Variants in PITPNC1 observed in about 807,000 individuals in gnomAD.
PITPNC1 encodes cytoplasmic phosphatidylinositol transfer protein 1.
PITPNC1 carries 18 observed loss-of-function variants against 44.7 expected under a neutral mutation model. The observed-to-expected ratio is 0.40, with a 90% CI of 0.28 to 0.60. PITPNC1 has a LOEUF of 0.60. Among genes scored for constraint, PITPNC1 ranks in the 20% least tolerant of loss-of-function variants. PITPNC1 has a pLI of 0.39. For missense variants in PITPNC1, 290 were observed against 418.4 expected (o/e 0.69, Z 2.68); for synonymous variants, 141 against 149.6 (o/e 0.94, Z 0.42).
At chr17:67,586,446 T>A (rs112450554) in intron 5 of PITPNC1, among the ~76,000 whole-genome samples, 1,337 of 119,808 alleles carry the variant, frequency 0.011, 24 homozygotes, top group African/African-American at 0.043. Flanking sequence ...AAAAAAAAAA[T>A]TAGCTGGGCG....
At chr17:67,608,257 CA>C (rs763822573) in intron 5 of PITPNC1, among the ~76,000 whole-genome samples, 6,199 of 124,392 alleles carry the variant, frequency 0.05, 180 homozygotes, top group Middle Eastern at 0.087. Context: ...CAAAAAAAAA[CA>C]AAAAAAAAAA....
intron 1 of PITPNC1, among the ~76,000 whole-genome samples, chr17:67,476,910 C>T (rs1365542216): frequency 1.3e-5 from 2 of 152,144 alleles, no homozygotes; most frequent in Non-Finnish European, 1.5e-5. Flanking sequence ...GCATCACCTG[C>T]GAGCTTGTTA....
intron 1 of PITPNC1, among the ~76,000 whole-genome samples, chr17:67,404,406 G>A (rs535920223): frequency 1.6e-4 from 24 of 152,302 alleles, no homozygotes; most frequent in African/African-American, 5.3e-4. Context: ...TATCTAGACT[G>A]TGTCTTGCAA....
intron 1 of PITPNC1, among the ~76,000 whole-genome samples, chr17:67,483,974 C>T (rs1961378): frequency 1.3e-5 from 2 of 148,196 alleles, no homozygotes; most frequent in Middle Eastern, 3.5e-3. Flanking sequence ...GCTGGAGTGC[C>T]GTGGCATGAT....
chr17:67,557,161 A>T (rs1161391548), intron 4 of PITPNC1, among the ~76,000 whole-genome samples: 2 of 152,142 alleles, frequency 1.3e-5, no homozygotes, highest in Non-Finnish European at 2.9e-5. Flanking sequence ...CTTCCTGGTA[A>T]GCACGTGGCC....
chr17:67,467,354 G>A (rs1343234510), intron 1 of PITPNC1, among the ~76,000 whole-genome samples: 1 of 152,098 alleles, frequency 6.6e-6, no homozygotes, highest in Non-Finnish European at 1.5e-5. Context: ...GTGCCCCGCT[G>A]GAGACTTTTT....
chr17:67,532,878 T>C lies in PITPNC1; in HGVS notation c.125T>C (p.Val42Ala). The change falls in exon 2 of 9, where the codon GTC (valine) becomes GCC (alanine). Residue 42 changes from valine to alanine, a missense_variant. Val to Ala is a moderately conservative substitution (Grantham distance 64, BLOSUM62 0). Coordinates refer to ENST00000581322, the MANE Select transcript of PITPNC1 (RefSeq NM_012417.4). Reference sequence around the variant, plus strand: ...GACCGGGGAGAAGGGGTGGAGGTCGTCCAGAATGAGCCCTTTGAGGACCCT... The same window carrying C: ...GACCGGGGAGAAGGGGTGGAGGTCGCCCAGAATGAGCCCTTTGAGGACCCT... Reference protein sequence around the residue: ...QSDRGEGVEVVQNEPFEDPHH... With the variant: ...QSDRGEGVEVAQNEPFEDPHH... The C allele has an allele frequency of 6.2e-7, 1 of 1,606,898 alleles. No homozygotes were observed.
chr17:67,574,051 T>G (rs1377249317), intron 4 of PITPNC1, among the ~76,000 whole-genome samples: 1 of 152,104 alleles, frequency 6.6e-6, no homozygotes, highest in Non-Finnish European at 1.5e-5. Context: ...TGAAACAAGG[T>G]TCCAGAGAAG....
chr17:67,483,564 G>A lies in PITPNC1; in HGVS notation c.49-49238G>A, dbSNP rs147274597. 3.7e-3 allele frequency among the ~76,000 whole-genome samples: 556 copies of A among 152,288 alleles called. 7 individuals are homozygous for A. Among genetic ancestry groups the A allele is most frequent in the South Asian group, 0.028 (135 of 4,832 alleles). ...CATTAAGATGCGTTGCCACTCTGGG[G>A]TATGATTCTGGTTTGATCGTTGCAG... On this transcript the variant is annotated intron_variant, in intron 1 of 8. Coordinates refer to ENST00000581322, the MANE Select transcript of PITPNC1 (RefSeq NM_012417.4).
rs1012088135 is a variant in PITPNC1, at chr17:67,659,723, T to G, written c.463-9785T>G. On this transcript the variant is annotated intron_variant, in intron 6 of 8. Coordinates refer to ENST00000581322, the MANE Select transcript of PITPNC1 (RefSeq NM_012417.4). ...AATTTATTGGTCTTCTCTTTTCTTT[T>G]TATTTTTTTCCAAATTCAACATTAT... is the stretch of plus-strand genomic sequence containing the variant. Among the ~76,000 whole-genome samples, 3 of 152,258 alleles carry G rather than the reference T, an allele frequency of 2.0e-5. No homozygotes were observed. In the East Asian group the frequency reaches 5.8e-4, roughly 30 times the overall value.
At chr17:67,619,357 C>T (rs8075076) in intron 5 of PITPNC1, among the ~76,000 whole-genome samples, 1 of 152,090 alleles carries the variant, frequency 6.6e-6, no homozygotes, top group Non-Finnish European at 1.5e-5. Flanking sequence ...TTCAGTGACT[C>T]GGAAAAGAAT....
intron 1 of PITPNC1, among the ~76,000 whole-genome samples, chr17:67,514,057 T>G (rs941496625): frequency 1.3e-5 from 2 of 151,068 alleles, no homozygotes; most frequent in Admixed American, 6.6e-5. Context: ...TAGGTCGAGA[T>G]AGAAGAGGGT....
In PITPNC1 at chr17:67,693,032, C is replaced by A; in HGVS notation, c.*144C>A. 1 of 611,358 alleles carries A rather than the reference C, an allele frequency of 1.6e-6. No individual in the cohort carries two copies. The highest frequency in any genetic ancestry group is 2.9e-6 in the Non-Finnish European group (1 of 345,906). The allele number at this position is 611,358 out of a possible 1,614,324, so 37.9% of individuals were successfully genotyped here. A position where few individuals can be genotyped will look rare whatever the true frequency, so the allele number is the denominator to read the frequency against. Reference sequence around the variant, plus strand: ...CAGTGTGCATGTGACTCAGTAACTTCACATAGAATATGATTCCCTAAGTAT... The same window carrying A: ...CAGTGTGCATGTGACTCAGTAACTTAACATAGAATATGATTCCCTAAGTAT... On this transcript the variant is annotated 3_prime_UTR_variant, in exon 9 of 9. Coordinates refer to ENST00000581322, the MANE Select transcript of PITPNC1 (RefSeq NM_012417.4).
intron 6 of PITPNC1, chr17:67,638,383 C>T (rs944697057): frequency 6.6e-6 from 1 of 152,246 alleles, no homozygotes; most frequent in African/African-American, 2.4e-5. Flanking sequence ...AGTACTTTCT[C>T]CTCCATTCAC....
intron 1 of PITPNC1, among the ~76,000 whole-genome samples, chr17:67,432,227 C>T (rs1157507180): frequency 4.6e-5 from 7 of 152,288 alleles, no homozygotes; most frequent in Non-Finnish European, 8.8e-5. Context: ...CGGTGGCTCA[C>T]GCCTGTAATC....
chr17:67,432,655 A>G (rs572465415), intron 1 of PITPNC1, among the ~76,000 whole-genome samples: 6 of 152,262 alleles, frequency 3.9e-5, no homozygotes, highest in Non-Finnish European at 7.3e-5. Context: ...AGGGTTGGAC[A>G]TGGCTGTTTC....
intron 1 of PITPNC1, among the ~76,000 whole-genome samples, chr17:67,486,901 T>TG (rs923902799): frequency 7.2e-5 from 11 of 151,934 alleles, no homozygotes; most frequent in Middle Eastern, 3.4e-3. Flanking sequence ...AGCGTGGTGG[T>TG]GCATGTCTGT....
At chr17:67,618,273 G>A (rs889138096) in intron 5 of PITPNC1, among the ~76,000 whole-genome samples, 2 of 145,660 alleles carry the variant, frequency 1.4e-5, no homozygotes, top group South Asian at 2.2e-4. Context: ...GCTGAGGCAC[G>A]AGAATCACTT....
chr17:67,463,184 C>T (rs558339656), intron 1 of PITPNC1, among the ~76,000 whole-genome samples: 1,205 of 37,094 alleles, frequency 0.032, 12 homozygotes, highest in Non-Finnish European at 0.067. Context: ...GTAATTCAGA[C>T]TTATAAATAC....
Sources: allele counts gnomAD v4.1 joint callset (sites outside exome capture counted in the v4.1 genomes callset), GRCh38; gene constraint gnomAD v4.1.1; transcripts MANE v1.5; gene names NCBI Gene and HGNC (gene_info 2026-07-23, HGNC 2026-07-21).